The following PTPRT variants were observed in gnomAD, a reference collection of about 807,000 sequenced individuals.
PTPRT encodes receptor-type tyrosine-protein phosphatase T.
Under a neutral mutation model 176.8 loss-of-function variants are expected in PTPRT, and 56 were observed. The ratio of observed to expected loss-of-function variants is 0.32; its 90% CI spans 0.26 to 0.40. PTPRT has a LOEUF of 0.40. Ranked by LOEUF, PTPRT falls within the 10% of genes least tolerant of loss-of-function variation. PTPRT has a pLI of 1.00. For synonymous variants in PTPRT, 783 were observed against 739.0 expected, an observed-to-expected ratio of 1.06 and a Z score of -0.96; for missense variants, 1,540 against 1,908.2, an observed-to-expected ratio of 0.81 and a Z score of 3.60.
intron 9 of PTPRT, among the ~76,000 whole-genome samples, chr20:42,354,870 C>G (rs558746009): frequency 1.3e-5 from 2 of 151,992 alleles, no homozygotes; most frequent in African/African-American, 4.8e-5. Context: ...AGAGGTCAGA[C>G]GGTGCCCAGA....
intron 1 of PTPRT, among the ~76,000 whole-genome samples, chr20:43,059,323 T>A (rs1185466036): frequency 6.6e-6 from 1 of 152,236 alleles, no homozygotes; most frequent in African/African-American, 2.4e-5. Context: ...GTCATTTCTC[T>A]CTTCCTTGCA....
Position 42,798,194 on chromosome 20 carries a change from C to G in PTPRT, c.215-6728G>C, listed in dbSNP as rs867856684. On this transcript the variant is annotated intron_variant, in intron 2 of 30. Coordinates refer to ENST00000373187, the MANE Select transcript of PTPRT (RefSeq NM_007050.6). ...CTTAAATATCACTTTCCCTACATGGCTTTCACTAATGTCCAGGAAACAGGC... is the reference window on the plus strand; with the variant it reads ...CTTAAATATCACTTTCCCTACATGGGTTTCACTAATGTCCAGGAAACAGGC... 7.2e-5 allele frequency among the ~76,000 whole-genome samples: 11 copies of G among 152,312 alleles called. 1 individual carries two copies. The Middle Eastern group carries it at 0.024, about 330-fold the overall frequency.
intron 3 of PTPRT, among the ~76,000 whole-genome samples, chr20:42,790,447 A>G (rs2077357875): frequency 6.6e-6 from 1 of 152,036 alleles, no homozygotes; most frequent in Non-Finnish European, 1.5e-5. Context: ...TTGCTCCACA[A>G]TGAGTTGAGA....
At chr20:42,113,339 G>A (rs779158183) in intron 22 of PTPRT, among the ~76,000 whole-genome samples, 77 of 152,168 alleles carry the variant, frequency 5.1e-4, no homozygotes, top group South Asian at 2.1e-4. Context: ...TCCCATCCTC[G>A]GGCATTCAAC....
intron 23 of PTPRT, among the ~76,000 whole-genome samples, chr20:42,108,225 G>T (rs546701114): frequency 6.9e-6 from 1 of 145,028 alleles, no homozygotes; most frequent in South Asian, 2.2e-4. Context: ...CTCCCTGCAG[G>T]GTCCTTGTGA....
In PTPRT at chr20:42,721,429, C is replaced by T. The variant is rs892209767; in HGVS notation, c.859+35033G>A. Among the ~76,000 whole-genome samples the T allele has an allele frequency of 5.3e-5, 8 of 152,118 alleles. No individual in the cohort carries two copies. The East Asian group carries it at 1.5e-3, about 29-fold the overall frequency. The stretch of plus-strand genomic sequence containing the variant: ...TCTTGGCGGTGTGGGTGGATGGAAG[C>T]GTGGTGGGTGGGCAGCGAATATGTG... On this transcript the variant is annotated intron_variant, in intron 6 of 30. Coordinates refer to ENST00000373187, the MANE Select transcript of PTPRT (RefSeq NM_007050.6).
At chr20:42,815,189 C>G (rs1408983468) in intron 2 of PTPRT, among the ~76,000 whole-genome samples, 1 of 152,068 alleles carries the variant, frequency 6.6e-6, no homozygotes, top group African/African-American at 2.4e-5. Context: ...TTAGTAAAGA[C>G]CAAGCAGACA....
chr20:42,929,809 A>T (rs2145970062), intron 1 of PTPRT, among the ~76,000 whole-genome samples: 1 of 152,392 alleles, frequency 6.6e-6, no homozygotes, highest in East Asian at 1.9e-4. Flanking sequence ...TGGATCAGAC[A>T]AAGCAACTCA....
intron 7 of PTPRT, among the ~76,000 whole-genome samples, chr20:42,602,490 T>A (rs1319071430): frequency 3.3e-5 from 5 of 152,126 alleles, no homozygotes; most frequent in African/African-American, 1.2e-4. Context: ...TATATATCCT[T>A]TCATTTAACT....
chr20:42,422,621 A>T (rs2059128558), intron 9 of PTPRT, among the ~76,000 whole-genome samples: 1 of 152,224 alleles, frequency 6.6e-6, no homozygotes, highest in Non-Finnish European at 1.5e-5. Context: ...TAATTCAGCC[A>T]TTGTGGAAGG....
chr20:42,466,107 A>C (rs1026024727), intron 8 of PTPRT, among the ~76,000 whole-genome samples: 3 of 152,160 alleles, frequency 2.0e-5, no homozygotes, highest in Admixed American at 2.0e-4. Context: ...ACATGATCTC[A>C]TTCCTTTTTA....
intron 7 of PTPRT, among the ~76,000 whole-genome samples, chr20:42,599,342 C>T (rs1190200308): frequency 6.6e-6 from 1 of 152,148 alleles, no homozygotes; most frequent in Non-Finnish European, 1.5e-5. Context: ...CTCCTTATGT[C>T]ATCCTCCCAG....
intron 6 of PTPRT, among the ~76,000 whole-genome samples, chr20:42,753,265 GGCTGT>G (rs768321781): frequency 9.2e-5 from 14 of 152,060 alleles, no homozygotes; most frequent in Non-Finnish European, 1.9e-4. Flanking sequence ...TTCTCAACCT[GGCTGT>G]GCTAATTCTC....
intron 4 of PTPRT, among the ~76,000 whole-genome samples, chr20:42,776,681 A>G (rs2077140175): frequency 1.3e-5 from 2 of 151,178 alleles, no homozygotes; most frequent in Admixed American, 6.6e-5. Flanking sequence ...CTGTCTGTGC[A>G]TATAATTATA....
chr20:43,010,133 G>T (rs906517042), intron 1 of PTPRT, among the ~76,000 whole-genome samples: 1 of 151,976 alleles, frequency 6.6e-6, no homozygotes, highest in Non-Finnish European at 1.5e-5. Flanking sequence ...TCCTTGCAGT[G>T]CCATTGTTTC....
intron 16 of PTPRT, among the ~76,000 whole-genome samples, chr20:42,169,791 C>CACACACACACACACACACACAA (rs752547377): frequency 4.1e-5 from 4 of 98,306 alleles, no homozygotes; most frequent in African/African-American, 1.3e-4. Context: ...CACACACACA[C>CACACACACACACACACACACAA]AACAGTCAGT....
intron 6 of PTPRT, among the ~76,000 whole-genome samples, chr20:42,703,225 G>A (rs2076000422): frequency 6.6e-6 from 1 of 152,166 alleles, no homozygotes; most frequent in African/African-American, 2.4e-5. Flanking sequence ...GACACAGAGA[G>A]AGAGAGAGAG....
intron 9 of PTPRT, among the ~76,000 whole-genome samples, chr20:42,416,090 A>T (rs1174638304): frequency 6.6e-6 from 1 of 152,124 alleles, no homozygotes; most frequent in East Asian, 1.9e-4. Context: ...TTGCTGATGT[A>T]ATTAAGTTAA....
At chr20:42,226,587 G>A (rs1177262506) in intron 15 of PTPRT, among the ~76,000 whole-genome samples, 1 of 152,166 alleles carries the variant, frequency 6.6e-6, no homozygotes, top group East Asian at 1.9e-4. Flanking sequence ...GAAACACTTA[G>A]AAAGGCATTT....
Sources: allele counts gnomAD v4.1 joint callset (sites outside exome capture counted in the v4.1 genomes callset), GRCh38; gene constraint gnomAD v4.1.1; transcripts MANE v1.5; gene names NCBI Gene and HGNC (gene_info 2026-07-23, HGNC 2026-07-21).